GLRA1: variants seen among roughly 807,000 people sequenced by gnomAD.
GLRA1 encodes glycine receptor subunit alpha-1.
In GLRA1, 37 loss-of-function variants were observed where a neutral mutation model predicts 48.3. The ratio of observed to expected loss-of-function variants is 0.77; its 90% confidence interval spans 0.59 to 1.01. GLRA1 has a LOEUF of 1.01. Ranked by LOEUF, GLRA1 falls within the 50% of genes least tolerant of loss-of-function variation. The pLI, the probability that GLRA1 is intolerant of heterozygous loss-of-function variation, is 0.00. For synonymous variants in GLRA1, 196 were observed against 210.7 expected, an observed-to-expected ratio of 0.93 and a Z score of 0.60; for missense variants, 427 against 571.0, an observed-to-expected ratio of 0.75 and a Z score of 2.57.
intron 1 of GLRA1, among the ~76,000 whole-genome samples, chr5:151,913,908 C>G (rs1030413696): frequency 5.3e-5 from 8 of 152,184 alleles, no homozygotes; most frequent in African/African-American, 1.9e-4. Flanking sequence ...AGGAAGCACT[C>G]ATGTTTTTGT....
At chr5:151,914,475 G>T (rs2113457334) in intron 1 of GLRA1, among the ~76,000 whole-genome samples, 1 of 152,314 alleles carries the variant, frequency 6.6e-6, no homozygotes, top group East Asian at 1.9e-4. Flanking sequence ...GGGAGACTGG[G>T]TATACTCCTG....
intron 7 of GLRA1, among the ~76,000 whole-genome samples, chr5:151,843,292 A>C (rs1752559408): frequency 4.1e-5 from 5 of 121,230 alleles, no homozygotes; most frequent in South Asian, 2.5e-4. Context: ...ATGGAGTCTC[A>C]CTCTCTCTCC....
At chr5:151,897,541 A>C (rs761057520) in intron 1 of GLRA1, among the ~76,000 whole-genome samples, 2 of 152,204 alleles carry the variant, frequency 1.3e-5, no homozygotes, top group Non-Finnish European at 2.9e-5. Flanking sequence ...TTTCAGAAAG[A>C]GAGTGAGGTC....
intron 1 of GLRA1, among the ~76,000 whole-genome samples, chr5:151,906,373 A>C (rs1650136823): frequency 6.6e-6 from 1 of 152,254 alleles, no homozygotes; most frequent in Admixed American, 6.5e-5. Flanking sequence ...TCAGGAATGC[A>C]GGAAATACCG....
intron 6 of GLRA1, among the ~76,000 whole-genome samples, chr5:151,853,412 A>ATTTTTTT (rs57264480): frequency 7.1e-6 from 1 of 140,906 alleles, no homozygotes. Flanking sequence ...TGCCCAACTA[A>ATTTTTTT]TTTTTTTTTT....
chr5:151,833,918 C>A (rs1258219300), intron 7 of GLRA1, among the ~76,000 whole-genome samples: 2 of 150,582 alleles, frequency 1.3e-5, no homozygotes, highest in Non-Finnish European at 2.9e-5. Context: ...ATCAATGCAA[C>A]AAGAAGAGCT....
chr5:151,895,195 T>A (rs1754199857), intron 1 of GLRA1, among the ~76,000 whole-genome samples: 1 of 152,216 alleles, frequency 6.6e-6, no homozygotes, highest in Non-Finnish European at 1.5e-5. Flanking sequence ...AATTTCTGTG[T>A]TCATGTGTAT....
At chr5:151,897,320 C>T (rs1754248859) in intron 1 of GLRA1, among the ~76,000 whole-genome samples, 2 of 152,210 alleles carry the variant, frequency 1.3e-5, no homozygotes, top group African/African-American at 4.8e-5. Context: ...TTTAGTACCA[C>T]AATTCCCGGT....
chr5:151,875,886 G>C (rs901626826), intron 3 of GLRA1, among the ~76,000 whole-genome samples: 5 of 152,172 alleles, frequency 3.3e-5, no homozygotes, highest in Non-Finnish European at 5.9e-5. Flanking sequence ...ATGATAACTG[G>C]CTGTGCCATT....
intron 8 of GLRA1, among the ~76,000 whole-genome samples, chr5:151,824,308 C>T (rs1234124329): frequency 6.6e-6 from 1 of 151,796 alleles, no homozygotes; most frequent in African/African-American, 2.4e-5. Flanking sequence ...ACCATTGCAA[C>T]AGCCTCCAAT....
chr5:151,833,537 C>T (rs530698304), intron 7 of GLRA1, among the ~76,000 whole-genome samples: 21 of 152,232 alleles, frequency 1.4e-4, no homozygotes, highest in South Asian at 2.1e-4. Flanking sequence ...GATCTCAGCT[C>T]GCCAAATCCT....
chr5:151,880,941 A>G (rs895785372), intron 3 of GLRA1, among the ~76,000 whole-genome samples: 1 of 152,228 alleles, frequency 6.6e-6, no homozygotes, highest in Non-Finnish European at 1.5e-5. Context: ...ATGTATGCAA[A>G]CTCACAGATA....
intron 1 of GLRA1, among the ~76,000 whole-genome samples, chr5:151,897,226 G>T (rs1437628100): frequency 6.6e-6 from 1 of 152,054 alleles, no homozygotes; most frequent in Non-Finnish European, 1.5e-5. Flanking sequence ...ATTTGCACAG[G>T]ATTATTCAAA....
chr5:151,828,062 C>T (rs1044837545), intron 8 of GLRA1, among the ~76,000 whole-genome samples: 1 of 151,988 alleles, frequency 6.6e-6, no homozygotes, highest in Non-Finnish European at 1.5e-5. Flanking sequence ...TGGAAGAGAT[C>T]GGCTTTAAAA....
intron 7 of GLRA1, among the ~76,000 whole-genome samples, chr5:151,830,668 G>T (rs1763400087): frequency 6.6e-6 from 1 of 152,220 alleles, no homozygotes; most frequent in South Asian, 2.1e-4. Context: ...GGAAACCTTT[G>T]TCTGATTTTT....
chr5:151,850,516 C>A, intron 7 of GLRA1: 1 of 1,008,090 alleles, frequency 9.9e-7, no homozygotes, highest in Non-Finnish European at 1.6e-6. Context: ...AGCAGTGGCA[C>A]CAGTACCACA....
intron 4 of GLRA1, among the ~76,000 whole-genome samples, chr5:151,858,061 C>T (rs1263322499): frequency 6.6e-6 from 1 of 152,190 alleles, no homozygotes; most frequent in African/African-American, 2.4e-5. Flanking sequence ...TCCTGCAAAG[C>T]CAACCCCAAT....
intron 2 of GLRA1, among the ~76,000 whole-genome samples, chr5:151,891,237 G>A (rs749528389): frequency 3.3e-5 from 5 of 152,208 alleles, no homozygotes; most frequent in African/African-American, 1.2e-4. Context: ...TGCACCTGCA[G>A]GGCTCTGCTC....
intron 1 of GLRA1, among the ~76,000 whole-genome samples, chr5:151,904,589 G>A (rs566290016): frequency 6.6e-6 from 1 of 152,222 alleles, no homozygotes; most frequent in South Asian, 2.1e-4. Context: ...GCTGAAAAAG[G>A]GCATGCTCCA....
Sources: gnomAD v4.1 joint callset for allele counts (sites outside exome capture counted in the v4.1 genomes callset) on GRCh38, gnomAD v4.1.1 for gene constraint, MANE v1.5 for transcripts, NCBI Gene and HGNC (gene_info 2026-07-23, HGNC 2026-07-21) for gene names.